EZH1: variants seen among roughly 807,000 people sequenced by gnomAD.
EZH1 encodes the protein histone-lysine N-methyltransferase EZH1.
Under a neutral mutation model 100.5 loss-of-function variants are expected in EZH1, and 33 were observed. The ratio of observed to expected loss-of-function variants is 0.33; its 90% CI spans 0.25 to 0.44. The LOEUF (loss-of-function observed/expected upper bound fraction) is 0.44, where lower values mean the gene tolerates loss of function less well. Among genes scored for constraint, EZH1 ranks in the 20% least tolerant of loss-of-function variants. The pLI is 1.00. For missense variants in EZH1, 475 were observed against 928.4 expected, an observed-to-expected ratio of 0.51 and a Z score of 6.35; for synonymous variants, 272 against 313.8, an observed-to-expected ratio of 0.87 and a Z score of 1.41.
chr17:42,713,121 GT>G (rs1252883648), intron 11 of EZH1, 87 bp downstream of exon 11: 1 of 1,131,422 alleles, frequency 8.8e-7, no homozygotes, highest in Non-Finnish European at 1.3e-6. Flanking sequence ...TTTTTAAGAG[GT>G]AGTAAAGTTA....
intron 4 of EZH1, 66 bp downstream of exon 4, chr17:42,727,569 C>G (rs2053845286): frequency 6.4e-7 from 1 of 1,554,452 alleles, no homozygotes; most frequent in Non-Finnish European, 8.7e-7. Context: ...TAAAAAGTCA[C>G]AAATATAGGA....
In EZH1 at chr17:42,722,935, G is replaced by A. The variant is rs114226710; in HGVS notation, c.367-20C>T. On this transcript the variant is annotated intron_variant, in intron 5 of 20. Transcript: ENST00000428826. Reference sequence around the variant, plus strand: ...TTCTACCTGAAACCAAACCAGATGTGATTTATTCCATGAAGCCATCATGCA... The same window carrying A: ...TTCTACCTGAAACCAAACCAGATGTAATTTATTCCATGAAGCCATCATGCA... 2,949 of 1,607,862 alleles carry A rather than the reference G, an allele frequency of 1.8e-3. 51 individuals carry two copies. The African/African-American group carries it at 0.035, about 19-fold the overall frequency.
In EZH1 at chr17:42,728,719, G is replaced by A. The variant is rs558045647; in HGVS notation, c.117+106C>T. Reference sequence around the variant, plus strand: ...ATTACGCCACTGCACTCCAACCTGGGTGACAGAGTGAGACTCTGTCTCAAA... The same window carrying A: ...ATTACGCCACTGCACTCCAACCTGGATGACAGAGTGAGACTCTGTCTCAAA... On this transcript the variant is annotated intron_variant, in intron 3 of 20. Transcript: ENST00000428826. 4.5e-5 allele frequency: 54 copies of A among 1,197,454 alleles called. No individual in the cohort carries two copies. The African/African-American group carries it at 7.9e-4, about 18-fold the overall frequency. The allele number at this position is 1,197,454 out of a possible 1,614,324, so 74.2% of individuals were successfully genotyped here. A position where few individuals can be genotyped will look rare whatever the true frequency, so the allele number is the denominator to read the frequency against.
rs1261751318 is a variant in EZH1, at chr17:42,731,732, A to C, written c.-102-814T>G. Reference sequence around the variant, plus strand: ...TGGTGAAACCCCGTTTCCACTAAAAAATACAAAAAAAAAAAAAATTAGCCA... The same window carrying C: ...TGGTGAAACCCCGTTTCCACTAAAACATACAAAAAAAAAAAAAATTAGCCA... On this transcript the variant is annotated intron_variant, in intron 1 of 20. Transcript: ENST00000428826. The C allele has an allele frequency of 2.6e-5, 4 of 151,116 alleles. No homozygotes were observed. In the East Asian group the frequency reaches 7.8e-4, roughly 29 times the overall value. The allele number at this position is 151,116 out of a possible 1,614,324, so 9.4% of individuals were successfully genotyped here. A position where few individuals can be genotyped will look rare whatever the true frequency, so the allele number is the denominator to read the frequency against.
At chr17:42,736,973 T>C (rs993215895) in intron 1 of EZH1, among the ~76,000 whole-genome samples, 2 of 151,922 alleles carry the variant, frequency 1.3e-5, no homozygotes, top group African/African-American at 4.8e-5. Flanking sequence ...AGGAACTCCC[T>C]GTACTAGCTT....
intron 2 of EZH1, 62 bp downstream of exon 2, chr17:42,730,766 G>T: frequency 2.6e-6 from 2 of 783,514 alleles, no homozygotes; most frequent in Non-Finnish European, 3.1e-6. Context: ...AAAGTGCTGG[G>T]ATTACAGGCG....
Position 42,708,030 on chromosome 17 carries a change from G to A in EZH1, c.1588C>T (p.Pro530Ser), listed in dbSNP as rs769056328. 1 of 1,613,562 alleles carries A rather than the reference G, an allele frequency of 6.2e-7. No individual in the cohort carries two copies. The highest frequency in any genetic ancestry group is 8.5e-7 in the Non-Finnish European group (1 of 1,179,862). Reference protein sequence around the residue: ...NYQPCDHPDRPCDSTCPCIMT... With the variant: ...NYQPCDHPDRSCDSTCPCIMT... ...ATGCAGGGGCAGGTGCTGTCACAGG[G>A]GCGGTCTGGGTGGTCGCAGGGTTGG... is the stretch of plus-strand genomic sequence containing the variant. The change falls in exon 15 of 21, where the codon CCC becomes TCC. Residue 530 changes from proline to serine, a missense_variant. Physicochemically the swap from Pro to Ser is moderately conservative, Grantham distance 74. Coordinates refer to ENST00000428826, the MANE Select transcript of EZH1 (RefSeq NM_001991.5).
chr17:42,741,698 T>G (rs2054178925), intron 1 of EZH1, among the ~76,000 whole-genome samples: 1 of 152,090 alleles, frequency 6.6e-6, no homozygotes, highest in Non-Finnish European at 1.5e-5. Context: ...CGGTTTCTTA[T>G]TTTGTTTTGA....
intron 10 of EZH1, chr17:42,714,453 T>G: frequency 3.2e-6 from 1 of 313,492 alleles, no homozygotes; most frequent in South Asian, 3.4e-5. Flanking sequence ...CCCAGCAGAC[T>G]TCGGGGGGTT....
rs2053356720 is a variant in EZH1, at chr17:42,706,528, A to AT, written c.1661-344dup. On this transcript the variant is annotated intron_variant, in intron 15 of 20. Coordinates refer to ENST00000428826, the MANE Select transcript of EZH1 (RefSeq NM_001991.5). This position sits in a 1 kb window ranked among gnomAD's most constrained non-coding sequence, Gnocchi z 4.4. ...AGGGAGATCCTGTCTCCACAAAAAA[A>AT]TTAAAAAAAAAAATAGCCATGTGTG... Among the ~76,000 whole-genome samples, 1 of 151,660 alleles carries AT rather than the reference A, an allele frequency of 6.6e-6. No homozygotes were observed. The highest frequency in any genetic ancestry group is 2.1e-4 in the South Asian group (1 of 4,798).
At chr17:42,707,539 G>A (rs1256437565) in intron 15 of EZH1, among the ~76,000 whole-genome samples, 1 of 152,134 alleles carries the variant, frequency 6.6e-6, no homozygotes, top group Non-Finnish European at 1.5e-5. Flanking sequence ...GATTATAGGC[G>A]TGAGCCACCA....
intron 1 of EZH1, among the ~76,000 whole-genome samples, chr17:42,733,637 T>C (rs2054001711): frequency 1.8e-5 from 2 of 110,240 alleles, no homozygotes; most frequent in African/African-American, 3.7e-5. Flanking sequence ...CGAGACTCCA[T>C]CTCAAAAAAA....
rs776359210 is a variant in EZH1, at chr17:42,722,780, G to A, written c.487+15C>T. 1.2e-6 allele frequency: 2 copies of A among 1,610,328 alleles called. No homozygotes were observed. The highest frequency in any genetic ancestry group is 1.7e-5 in the Admixed American group (1 of 59,140). The stretch of plus-strand genomic sequence containing the variant: ...ATTCTAACAAAATTTTCTCCAAGGA[G>A]TTCAGTACCACTACCTTCTTCACCA... On this transcript the variant is annotated intron_variant, in intron 6 of 20. Transcript: ENST00000428826.
chr17:42,715,177 A>T (rs930515384), intron 10 of EZH1, among the ~76,000 whole-genome samples: 5 of 140,254 alleles, frequency 3.6e-5, no homozygotes, highest in African/African-American at 5.2e-5. Context: ...TTTATATATA[A>T]TATATATCAT....
chr17:42,713,054 A>AAAAG (rs1555647536), intron 11 of EZH1, among the ~76,000 whole-genome samples, 155 bp downstream of exon 11: 5 of 150,342 alleles, frequency 3.3e-5, no homozygotes, highest in African/African-American at 1.2e-4. Context: ...AAAAAAAAAA[A>AAAAG]AAAAGAAAAT....
chr17:42,717,987 A>G lies in EZH1; in HGVS notation c.1012T>C (p.Phe338Leu). 1 of 1,614,160 alleles carries G rather than the reference A, an allele frequency of 6.2e-7. No homozygotes were observed. The highest frequency in any genetic ancestry group is 8.5e-7 in the Non-Finnish European group (1 of 1,179,980). The change falls in exon 10 of 21, where the codon TTC (phenylalanine) becomes CTC (leucine). Residue 338 changes from phenylalanine to leucine, a missense_variant. Phe to Leu is a conservative substitution (Grantham distance 22). This residue lies in a region of EZH1 where 180 missense variants were observed against 295.3 expected (regional missense o/e 0.61). Coordinates refer to ENST00000428826, the MANE Select transcript of EZH1 (RefSeq NM_001991.5). ...IEPEPCGTDC[F>L]LLLEGAKEYA... ...GCTTAAGAACATACCAGCAAAAGGAAGCAGTCTGTGCCACATGGTTCTGGT... is the reference window on the plus strand; with the variant it reads ...GCTTAAGAACATACCAGCAAAAGGAGGCAGTCTGTGCCACATGGTTCTGGT...
Position 42,718,958 on chromosome 17 carries a change from A to T in EZH1, c.767+147T>A. The T allele has an allele frequency of 1.5e-6, 1 of 665,062 alleles. No individual in the cohort carries two copies. The highest frequency in any genetic ancestry group is 2.7e-6 in the Non-Finnish European group (1 of 377,220). 41.2% of individuals were successfully genotyped at this position (665,062 alleles called of 1,614,324 possible). A position where few individuals can be genotyped will look rare whatever the true frequency, so the allele number is the denominator to read the frequency against. On this transcript the variant is annotated intron_variant, in intron 8 of 20. Transcript: ENST00000428826. This position sits in a 1 kb window ranked among gnomAD's most constrained non-coding sequence, Gnocchi z 4.2. ...TATAGTAAGGGGGGCATTTAGAGGT[A>T]ATTGAGTAAGCAAGAAATAATCAAA...
intron 6 of EZH1, 28 bp downstream of exon 6, chr17:42,722,767 T>C: frequency 6.2e-7 from 1 of 1,601,218 alleles, no homozygotes; most frequent in Non-Finnish European, 8.5e-7. Flanking sequence ...TCTAACAAAA[T>C]TTTCTCCAAG....
At chr17:42,711,430 G>A (rs2143747505) in intron 12 of EZH1, among the ~76,000 whole-genome samples, 1 of 152,208 alleles carries the variant, frequency 6.6e-6, no homozygotes, top group Admixed American at 6.5e-5. Flanking sequence ...CTGAGATCAT[G>A]CCACTGCACT....
Sources: gnomAD v4.1 joint callset for allele counts (sites outside exome capture counted in the v4.1 genomes callset) on GRCh38, gnomAD v4.1.1 for gene constraint, gnomAD v4.1.1 regional missense constraint, Gnocchi (gnomAD v3.1) non-coding constraint, MANE v1.5 for transcripts, NCBI Gene and HGNC (gene_info 2026-07-23, HGNC 2026-07-21) for gene names.